Variants in UIMC1 observed in about 807,000 individuals in gnomAD.
UIMC1 encodes BRCA1-A complex subunit RAP80.
Under a neutral mutation model 84.9 loss-of-function variants are expected in UIMC1, and 42 were observed. The ratio of observed to expected loss-of-function variants is 0.49; its 90% confidence interval spans 0.39 to 0.64. The LOEUF (loss-of-function observed/expected upper bound fraction) is 0.64, where lower values mean the gene tolerates loss of function less well. Ranked by LOEUF, UIMC1 falls within the 30% of genes least tolerant of loss-of-function variation. UIMC1 has a pLI of 0.00. For synonymous variants in UIMC1, 281 were observed against 293.0 expected (o/e 0.96, Z 0.42); for missense variants, 825 against 847.6 (o/e 0.97, Z 0.33).
intron 6 of UIMC1, among the ~76,000 whole-genome samples, chr5:176,959,311 TG>T (rs1767008023): frequency 6.6e-6 from 1 of 152,370 alleles, no homozygotes; most frequent in African/African-American, 2.4e-5. Flanking sequence ...AATTTTATAA[TG>T]ACTAGCCTTG....
At position 176,951,554 on chromosome 5, in the gene UIMC1, T is replaced by C; in HGVS notation, c.1363A>G (p.Thr455Ala). Reference protein sequence around the residue: ...CPETQLSSSETFDLEREVSPG... With the variant: ...CPETQLSSSEAFDLEREVSPG... ...GAGACTTCTCTTTCAAGGTCAAAAGTTTCAGAGGAACTTAGCTGGGTCTCT... is the reference window on the plus strand; with the variant it reads ...GAGACTTCTCTTTCAAGGTCAAAAGCTTCAGAGGAACTTAGCTGGGTCTCT... The change falls in exon 9 of 15, where the codon ACT becomes GCT. Residue 455 changes from threonine (T) to alanine (A), a missense_variant. Thr to Ala is a moderately conservative substitution (Grantham distance 58, BLOSUM62 0). Coordinates refer to ENST00000511320, the MANE Select transcript of UIMC1 (RefSeq NM_001199298.2). 6.3e-7 allele frequency: 1 copy of C among 1,592,752 alleles called. No individual in the cohort carries two copies. The highest frequency in any genetic ancestry group is 1.3e-5 in the African/African-American group (1 of 74,116).
chr5:176,920,132 C>T (rs1761523681), intron 10 of UIMC1, among the ~76,000 whole-genome samples: 1 of 152,164 alleles, frequency 6.6e-6, no homozygotes. Context: ...AGTGATTCTC[C>T]TGCCTCAGCC....
intron 3 of UIMC1, among the ~76,000 whole-genome samples, chr5:176,975,169 T>C (rs570399314): frequency 1.6e-4 from 25 of 152,222 alleles, no homozygotes; most frequent in Admixed American, 4.6e-4. Flanking sequence ...TAAAAAAATT[T>C]TTTTAAAGAT....
At chr5:176,960,213 C>G (rs552111014) in intron 6 of UIMC1, among the ~76,000 whole-genome samples, 1 of 152,170 alleles carries the variant, frequency 6.6e-6, no homozygotes, top group African/African-American at 2.4e-5. Context: ...TGGTCAAAAT[C>G]GTAGCGCTGA....
chr5:177,000,498 C>CTTTTT lies in UIMC1; in HGVS notation c.-9+6147_-9+6151dup, dbSNP rs966855813. ...ATATGCCTGTTTTCCACTTGCATGT[C>CTTTTT]TTTTTTTTTTTTTTTTTTTGAGATG... On this transcript the variant is annotated intron_variant, in intron 1 of 14. Transcript: ENST00000511320. Among the ~76,000 whole-genome samples, 40 of 113,350 alleles carry CTTTTT rather than the reference C, an allele frequency of 3.5e-4. 2 individuals are homozygous for CTTTTT. Among genetic ancestry groups the CTTTTT allele is most frequent in the African/African-American group, 1.3e-3 (33 of 25,092 alleles). 74.4% of individuals were successfully genotyped at this position (113,350 alleles called of 152,430 possible).
chr5:176,991,699 G>A (rs940170669), intron 1 of UIMC1, among the ~76,000 whole-genome samples: 8 of 150,098 alleles, frequency 5.3e-5, no homozygotes, highest in Non-Finnish European at 7.4e-5. Context: ...TTGAGAGGCC[G>A]AGGCGGGCAG....
intron 2 of UIMC1, among the ~76,000 whole-genome samples, chr5:176,976,294 G>C (rs1030024807): frequency 6.6e-6 from 1 of 152,080 alleles, no homozygotes; most frequent in African/African-American, 2.4e-5. Flanking sequence ...CAGCCTGGGA[G>C]ACAAAGCAAC....
intron 9 of UIMC1, among the ~76,000 whole-genome samples, chr5:176,945,047 T>C (rs1581478294): frequency 6.6e-6 from 1 of 152,224 alleles, no homozygotes; most frequent in South Asian, 2.1e-4. Flanking sequence ...CCAGGCCCAC[T>C]TGGCATCAAA....
chr5:176,974,787 G>A (rs538591702), intron 3 of UIMC1, among the ~76,000 whole-genome samples: 250 of 152,006 alleles, frequency 1.6e-3, no homozygotes, highest in African/African-American at 5.7e-3. Flanking sequence ...CACTCAGCCC[G>A]GGTGACAGAG....
chr5:176,995,950 T>C (rs941813835), intron 1 of UIMC1, among the ~76,000 whole-genome samples: 1 of 152,044 alleles, frequency 6.6e-6, no homozygotes, highest in Admixed American at 6.6e-5. Flanking sequence ...TACCCAGCCA[T>C]TTCATTCCTA....
intron 1 of UIMC1, among the ~76,000 whole-genome samples, chr5:176,992,937 G>A (rs1414857720): frequency 1.3e-5 from 2 of 152,126 alleles, no homozygotes; most frequent in Non-Finnish European, 2.9e-5. Flanking sequence ...TGTAATCCCA[G>A]CACTTTGGGA....
chr5:176,914,005 T>TAC (rs1338189138), intron 10 of UIMC1, among the ~76,000 whole-genome samples: 5 of 135,160 alleles, frequency 3.7e-5, no homozygotes, highest in African/African-American at 1.4e-4. Flanking sequence ...TACCATACCA[T>TAC]AGCATACCAT....
At chr5:176,927,769 A>AAAAC (rs1762553895) in intron 10 of UIMC1, among the ~76,000 whole-genome samples, 5 of 152,216 alleles carry the variant, frequency 3.3e-5, no homozygotes, top group Admixed American at 2.0e-4. Flanking sequence ...TGTTTCAAAA[A>AAAAC]AAAACAAAAC....
chr5:176,990,580 A>G (rs1193913821), intron 1 of UIMC1, among the ~76,000 whole-genome samples: 2 of 152,172 alleles, frequency 1.3e-5, no homozygotes, highest in African/African-American at 4.8e-5. Context: ...GCAAGAAGTG[A>G]ATTTTCTAAA....
chr5:176,990,862 G>C (rs990014497), intron 1 of UIMC1, among the ~76,000 whole-genome samples: 2 of 151,806 alleles, frequency 1.3e-5, no homozygotes, highest in Non-Finnish European at 2.9e-5. Flanking sequence ...AAAGAGATGG[G>C]GGTCTTGCTG....
chr5:176,983,089 C>T (rs1259744348), intron 1 of UIMC1, among the ~76,000 whole-genome samples: 1 of 152,220 alleles, frequency 6.6e-6, no homozygotes, highest in Non-Finnish European at 1.5e-5. Flanking sequence ...CCGCCTTGGC[C>T]TCCCAAAGTG....
chr5:176,964,129 A>G (rs926025660), intron 6 of UIMC1, among the ~76,000 whole-genome samples: 5 of 152,228 alleles, frequency 3.3e-5, no homozygotes, highest in African/African-American at 1.2e-4. Flanking sequence ...ATCTCTATCA[A>G]CCAAGAAGTC....
At chr5:176,944,277 TA>T (rs1448123367) in intron 9 of UIMC1, among the ~76,000 whole-genome samples, 1 of 152,254 alleles carries the variant, frequency 6.6e-6, no homozygotes, top group East Asian at 1.9e-4. Flanking sequence ...AATAATTCAT[TA>T]GTTAAAATAA....
intron 2 of UIMC1, among the ~76,000 whole-genome samples, chr5:176,979,368 C>G (rs1011841521): frequency 6.6e-6 from 1 of 152,048 alleles, no homozygotes; most frequent in Non-Finnish European, 1.5e-5. Flanking sequence ...CCTGTAATCC[C>G]AACACTTTGG....
Sources: allele counts gnomAD v4.1 joint callset (sites outside exome capture counted in the v4.1 genomes callset), GRCh38; gene constraint gnomAD v4.1.1; transcripts MANE v1.5; gene names NCBI Gene and HGNC (gene_info 2026-07-23, HGNC 2026-07-21).